THSD4: variants seen among roughly 807,000 people sequenced by gnomAD.
THSD4 encodes thrombospondin type-1 domain-containing protein 4.
Under a neutral mutation model 119.0 loss-of-function variants are expected in THSD4, and 69 were observed. That is an observed-to-expected ratio of 0.58 (90% CI 0.48 to 0.71). The LOEUF (loss-of-function observed/expected upper bound fraction) is 0.71, where lower values mean the gene tolerates loss of function less well. THSD4 is among the 30% of genes least tolerant of loss of function. THSD4 has a pLI of 0.00. For synonymous variants in THSD4, 524 were observed against 540.4 expected (o/e 0.97, Z 0.42); for missense variants, 1,393 against 1,391.1 (o/e 1.00, Z -0.02).
intron 7 of THSD4, among the ~76,000 whole-genome samples, chr15:71,553,181 A>G (rs1365865226): frequency 6.6e-6 from 1 of 152,178 alleles, no homozygotes; most frequent in Non-Finnish European, 1.5e-5. Context: ...GTGTATGCCT[A>G]TGACTTGCAA....
intron 6 of THSD4, among the ~76,000 whole-genome samples, chr15:71,346,242 T>C (rs980379394): frequency 1.3e-5 from 2 of 152,246 alleles, no homozygotes; most frequent in African/African-American, 4.8e-5. Context: ...AGTTTGGGTT[T>C]GTGCAGTGTT....
chr15:71,390,228 C>A (rs539278455), intron 6 of THSD4, among the ~76,000 whole-genome samples: 2 of 152,124 alleles, frequency 1.3e-5, no homozygotes, highest in African/African-American at 4.8e-5. Context: ...AGGATGGACC[C>A]AGTGAAATAT....
At chr15:71,719,416 C>T (rs2052672271) in intron 8 of THSD4, among the ~76,000 whole-genome samples, 1 of 152,230 alleles carries the variant, frequency 6.6e-6, no homozygotes, top group African/African-American at 2.4e-5. Flanking sequence ...TTGGACATTA[C>T]ATCAAACTAG....
chr15:71,129,408 A>G (rs1195049678), intron 1 of THSD4, among the ~76,000 whole-genome samples: 1 of 152,202 alleles, frequency 6.6e-6, no homozygotes, highest in Non-Finnish European at 1.5e-5. Context: ...AACAAGGAAG[A>G]CAGAAGAGAC....
At position 71,602,136 on chromosome 15, in the gene THSD4, CAG is replaced by C. The variant is rs374921826; in HGVS notation, c.1153-58393_1153-58392del. ...GAGGGGTGAGGACAGTAATAAAGAA[CAG>C]GGGTGGTCTGGAGCTAAAGGTCTTT... On this transcript the variant is annotated intron_variant, in intron 7 of 17. Transcript: ENST00000261862. Among the ~76,000 whole-genome samples the C allele has an allele frequency of 2.0e-3, 299 of 152,144 alleles. 17 individuals are homozygous for C. In the South Asian group the frequency reaches 0.054, roughly 28 times the overall value.
chr15:71,442,660 G>GTGTGTGTATGTATGTATA, intron 7 of THSD4, among the ~76,000 whole-genome samples: 51 of 25,770 alleles, frequency 2.0e-3, no homozygotes, highest in Admixed American at 6.7e-3. Flanking sequence ...GTGTGTGTGT[G>GTGTGTGTATGTATGTATA]TATATATATA....
intron 7 of THSD4, among the ~76,000 whole-genome samples, chr15:71,444,455 C>T (rs2047152091): frequency 1.3e-5 from 2 of 152,216 alleles, no homozygotes; most frequent in Admixed American, 1.3e-4. Context: ...AGTCAGAAGA[C>T]AGAAATATAC....
Position 71,500,906 on chromosome 15 carries a change from G to A in THSD4, c.1152+89083G>A, listed in dbSNP as rs149878426. 2.5e-3 allele frequency among the ~76,000 whole-genome samples: 388 copies of A among 152,342 alleles called. 2 individuals are homozygous for A. The highest frequency in any genetic ancestry group is 8.9e-3 in the African/African-American group (372 of 41,578). On this transcript the variant is annotated intron_variant, in intron 7 of 17. Coordinates refer to ENST00000261862, the MANE Select transcript of THSD4 (RefSeq NM_024817.3). ...TTGTAATATGTTTTGAATCCAGGAA[G>A]TGTGAGGCCTCCAGCTTTGTTCTTC... is the stretch of plus-strand genomic sequence containing the variant.
At chr15:71,308,258 G>A (rs1419911195) in intron 6 of THSD4, among the ~76,000 whole-genome samples, 1 of 152,230 alleles carries the variant, frequency 6.6e-6, no homozygotes, top group Non-Finnish European at 1.5e-5. Context: ...CAAGGTTTGA[G>A]CATCGCAGGC....
intron 10 of THSD4, among the ~76,000 whole-genome samples, chr15:71,735,545 T>C (rs2053069209): frequency 6.6e-6 from 1 of 151,998 alleles, no homozygotes; most frequent in Admixed American, 6.6e-5. Context: ...TCTTTTGCTC[T>C]CTCTTTATTG....
intron 7 of THSD4, among the ~76,000 whole-genome samples, chr15:71,453,910 A>G (rs182555737): frequency 6.6e-6 from 1 of 152,198 alleles, no homozygotes; most frequent in Non-Finnish European, 1.5e-5. Context: ...TGGTGGGGGC[A>G]TGCTCTTTAG....
chr15:71,771,041 G>A (rs2053813265), intron 16 of THSD4, 23 bp from the exon 17 acceptor site: 3 of 1,610,080 alleles, frequency 1.9e-6, no homozygotes, highest in African/African-American at 1.3e-5. Context: ...AAAATCTGAT[G>A]TTTTCCCTTT....
At chr15:71,242,424 G>A (rs971093819) in intron 4 of THSD4, among the ~76,000 whole-genome samples, 2 of 152,128 alleles carry the variant, frequency 1.3e-5, no homozygotes, top group Non-Finnish European at 2.9e-5. Context: ...TTCATCCTCT[G>A]TTGATTCCCT....
At chr15:71,594,685 T>G (rs866221365) in intron 7 of THSD4, among the ~76,000 whole-genome samples, 32 of 152,354 alleles carry the variant, frequency 2.1e-4, no homozygotes, top group Middle Eastern at 3.4e-3. Flanking sequence ...AGATCGCTGG[T>G]GCTCAGACCT....
chr15:71,713,049 G>A (rs2052545403), intron 8 of THSD4, among the ~76,000 whole-genome samples: 1 of 152,216 alleles, frequency 6.6e-6, no homozygotes, highest in African/African-American at 2.4e-5. Flanking sequence ...TTAATATTAT[G>A]ATCAATAACG....
In THSD4 at chr15:71,589,896, A is replaced by G. The variant is rs751886868; in HGVS notation, c.1153-70634A>G. On this transcript the variant is annotated intron_variant, in intron 7 of 17. Transcript: ENST00000261862. ...TTAAAAACAGGAAAACTAGAGCCACATGTGTCATCATGGACACAAATAAGA... is the reference window on the plus strand; with the variant it reads ...TTAAAAACAGGAAAACTAGAGCCACGTGTGTCATCATGGACACAAATAAGA... Among the ~76,000 whole-genome samples the G allele has an allele frequency of 1.4e-5, 2 of 139,616 alleles. 1 individual carries two copies. The highest frequency in any genetic ancestry group is 3.3e-5 in the Non-Finnish European group (2 of 61,358). 91.6% of individuals were successfully genotyped at this position (139,616 alleles called of 152,430 possible).
chr15:71,311,628 A>G (rs976381215), intron 6 of THSD4, among the ~76,000 whole-genome samples: 2 of 152,194 alleles, frequency 1.3e-5, no homozygotes, highest in African/African-American at 2.4e-5. Context: ...TTCTAGACTT[A>G]CAGATGACAA....
chr15:71,496,121 C>T (rs1199250470), intron 7 of THSD4, among the ~76,000 whole-genome samples: 3 of 152,184 alleles, frequency 2.0e-5, no homozygotes, highest in East Asian at 1.9e-4. Context: ...TTTGGAACGT[C>T]GCTTGTTCTA....
At position 71,223,187 on chromosome 15, in the gene THSD4, C is replaced by T. The variant is rs1230885559; in HGVS notation, c.464+7788C>T. The stretch of plus-strand genomic sequence containing the variant: ...GGTGTTCTCATTTATGGATGCCAAA[C>T]TCAAGGGTCAGGGAGTAAATATCTC... On this transcript the variant is annotated intron_variant, in intron 4 of 17. Transcript: ENST00000261862. Among the ~76,000 whole-genome samples, 3 of 152,126 alleles carry T rather than the reference C, an allele frequency of 2.0e-5. No individual in the cohort carries two copies. The East Asian group carries it at 5.8e-4, about 29-fold the overall frequency.
Sources: gnomAD v4.1 joint callset for allele counts (sites outside exome capture counted in the v4.1 genomes callset) on GRCh38, gnomAD v4.1.1 for gene constraint, MANE v1.5 for transcripts, NCBI Gene and HGNC (gene_info 2026-07-23, HGNC 2026-07-21) for gene names.